Variants in NFATC2 observed in about 807,000 individuals in gnomAD.
NFATC2 encodes the protein nuclear factor of activated T-cells, cytoplasmic 2.
A neutral mutation model predicts 87.3 loss-of-function variants in NFATC2; 22 were observed. The ratio of observed to expected loss-of-function variants is 0.25; its 90% CI spans 0.18 to 0.36. The LOEUF is 0.36. Among genes scored for constraint, NFATC2 ranks in the 10% least tolerant of loss-of-function variants. The probability of loss-of-function intolerance (pLI) is 1.00; values close to 1 mark genes in which losing one functional copy is unlikely to be tolerated. For synonymous variants in NFATC2, 565 were observed against 542.2 expected (o/e 1.04, Z -0.58); for missense variants, 1,149 against 1,259.1 (o/e 0.91, Z 1.32).
In NFATC2 at chr20:51,391,471, G is replaced by A. The variant is rs199675591; in HGVS notation, c.*45-20C>T. On this transcript the variant is annotated intron_variant, in intron 10 of 10. Transcript: ENST00000371564. ...CATTAACTACAAAAGAAAAGAGGAG[G>A]GGGGGGGAGAGAGAATGGGGCAAGT... 48 of 1,579,116 alleles carry A rather than the reference G, an allele frequency of 3.0e-5. No homozygotes were observed. The highest frequency in any genetic ancestry group is 4.4e-5 in the South Asian group (4 of 90,308).
intron 6 of NFATC2, among the ~76,000 whole-genome samples, chr20:51,449,463 C>G (rs1029004221): frequency 5.9e-5 from 9 of 152,164 alleles, no homozygotes; most frequent in Non-Finnish European, 1.2e-4. Flanking sequence ...ACCTGGGATT[C>G]TTCAGTTAGG....
rs944856064 is a variant in NFATC2, at chr20:51,388,318, C to A, written c.*3178G>T. ...GATTCTCAGTGACCAGATCCAGGCT[C>A]AGGGCTGAAGTCAGCATAATTCTTG... On this transcript the variant is annotated 3_prime_UTR_variant, in exon 11 of 11. Transcript: ENST00000371564. 1.3e-5 allele frequency: 2 copies of A among 152,144 alleles called. No homozygotes were observed. The highest frequency in any genetic ancestry group is 2.9e-5 in the Non-Finnish European group (2 of 68,032). The allele number at this position is 152,144 out of a possible 1,614,324, so 9.4% of individuals were successfully genotyped here.
intron 9 of NFATC2, among the ~76,000 whole-genome samples, chr20:51,414,581 T>C (rs888408560): frequency 1.3e-5 from 2 of 151,604 alleles, no homozygotes; most frequent in East Asian, 1.9e-4. Flanking sequence ...CCCAGCTACT[T>C]GGGAGGCTGA....
At chr20:51,448,600 C>T (rs1478977496) in intron 6 of NFATC2, among the ~76,000 whole-genome samples, 1 of 152,106 alleles carries the variant, frequency 6.6e-6, no homozygotes, top group Admixed American at 6.5e-5. Context: ...GCCGAGATCG[C>T]GCACTCGCGC....
chr20:51,458,498 A>T (rs1986802673), intron 5 of NFATC2, among the ~76,000 whole-genome samples: 1 of 141,288 alleles, frequency 7.1e-6, no homozygotes, highest in African/African-American at 2.7e-5. Flanking sequence ...TTTTTATCTT[A>T]AAAAAAAAAA....
intron 9 of NFATC2, among the ~76,000 whole-genome samples, chr20:51,413,452 A>T (rs551111350): frequency 2.0e-4 from 31 of 152,300 alleles, no homozygotes; most frequent in African/African-American, 7.5e-4. Flanking sequence ...AACATATGGC[A>T]TCTTTTTTCA....
At position 51,495,197 on chromosome 20, in the gene NFATC2, C is replaced by A. The variant is rs528039595; in HGVS notation, c.1333-19537G>T. Among the ~76,000 whole-genome samples the A allele has an allele frequency of 4.6e-5, 7 of 152,288 alleles. No individual in the cohort carries two copies. The South Asian group carries it at 1.5e-3, about 32-fold the overall frequency. ...CCTCCTGTTCTCAAGCAATTCTCCC[C>A]CCTCAGCCTCTGGAGTAGCTGGGAC... On this transcript the variant is annotated intron_variant, in intron 3 of 10. Coordinates refer to ENST00000371564, the MANE Select transcript of NFATC2 (RefSeq NM_012340.5).
intron 2 of NFATC2, among the ~76,000 whole-genome samples, chr20:51,520,289 G>A (rs1023171009): frequency 3.3e-5 from 5 of 152,154 alleles, no homozygotes; most frequent in East Asian, 1.9e-4. Context: ...ACCTGTCTAC[G>A]TAGCACAAAG....
intron 6 of NFATC2, among the ~76,000 whole-genome samples, chr20:51,445,794 T>C (rs922645641): frequency 6.6e-6 from 1 of 152,152 alleles, no homozygotes; most frequent in African/African-American, 2.4e-5. Context: ...TAGTAGGTGC[T>C]CAATAAACAC....
At chr20:51,482,974 T>A (rs1225098098) in intron 3 of NFATC2, among the ~76,000 whole-genome samples, 1 of 152,166 alleles carries the variant, frequency 6.6e-6, no homozygotes, top group African/African-American at 2.4e-5. Context: ...GGACACGCGA[T>A]CTGAGGGGGC....
intron 3 of NFATC2, among the ~76,000 whole-genome samples, chr20:51,476,804 G>A (rs575825649): frequency 5.5e-4 from 84 of 152,318 alleles, no homozygotes; most frequent in African/African-American, 1.9e-3. Flanking sequence ...TGACCAGTTT[G>A]ACTTCTAAAC....
chr20:51,510,146 T>C (rs1223270717), intron 3 of NFATC2, among the ~76,000 whole-genome samples: 2 of 152,190 alleles, frequency 1.3e-5, no homozygotes, highest in Admixed American at 6.5e-5. Context: ...CCATTAAACA[T>C]GCATCCCAGA....
At position 51,454,205 on chromosome 20, in the gene NFATC2, G is replaced by GTT. The variant is rs565171617; in HGVS notation, c.1849+342_1849+343insAA. Among the ~76,000 whole-genome samples, 36 of 152,288 alleles carry GTT rather than the reference G, an allele frequency of 2.4e-4. No individual in the cohort carries two copies. In the South Asian group the frequency reaches 5.6e-3, roughly 24 times the overall value. Reference sequence around the variant, plus strand: ...AGATATCCAGGGCCAGAGTATGCATGCTTTATCACTGTGCTGTTTGGCCTC... The same window carrying GTT: ...AGATATCCAGGGCCAGAGTATGCATGTTCTTTATCACTGTGCTGTTTGGCCTC... On this transcript the variant is annotated intron_variant, in intron 6 of 10. Transcript: ENST00000371564.
intron 1 of NFATC2, among the ~76,000 whole-genome samples, chr20:51,561,359 AAAG>A (rs2077020959): frequency 6.6e-6 from 1 of 150,632 alleles, no homozygotes; most frequent in East Asian, 2.0e-4. Flanking sequence ...GAGAGAAAGA[AAAG>A]AAAGAAAGAG....
intron 1 of NFATC2, among the ~76,000 whole-genome samples, chr20:51,525,325 G>A (rs1246610141): frequency 3.3e-5 from 5 of 152,140 alleles, no homozygotes; most frequent in Non-Finnish European, 7.4e-5. Context: ...CTGCCACCTC[G>A]AAAGGCCCTA....
In NFATC2 at chr20:51,509,598, A is replaced by G. The variant is rs114217027; in HGVS notation, c.1332+7186T>C. Among the ~76,000 whole-genome samples the G allele has an allele frequency of 7.1e-3, 1,083 of 152,236 alleles. 9 individuals carry two copies. The highest frequency in any genetic ancestry group is 0.025 in the African/African-American group (1,029 of 41,534). ...AGACAAATTAGCATCAGCAAGAACT[A>G]CTTCCTGTCTCACGTCCCCAAACAC... On this transcript the variant is annotated intron_variant, in intron 3 of 10. Coordinates refer to ENST00000371564, the MANE Select transcript of NFATC2 (RefSeq NM_012340.5).
intron 1 of NFATC2, among the ~76,000 whole-genome samples, chr20:51,549,709 G>A (rs138357921): frequency 1.3e-5 from 2 of 152,292 alleles, no homozygotes; most frequent in African/African-American, 2.4e-5. Context: ...TAATACCTGA[G>A]TTACCATTTC....
At chr20:51,401,288 A>C in intron 9 of NFATC2, among the ~76,000 whole-genome samples, 1 of 152,062 alleles carries the variant, frequency 6.6e-6, no homozygotes, top group East Asian at 1.9e-4. Context: ...CAGTGAGCTG[A>C]GATGGTGCCA....
chr20:51,518,551 C>CT (rs112544544), intron 2 of NFATC2, among the ~76,000 whole-genome samples: 11,402 of 151,624 alleles, frequency 0.075, 643 homozygotes, highest in African/African-American at 0.16. Flanking sequence ...ACCCTGCAGT[C>CT]CTTTTTTTTG....
Sources: allele counts gnomAD v4.1 joint callset (sites outside exome capture counted in the v4.1 genomes callset), GRCh38; gene constraint gnomAD v4.1.1; transcripts MANE v1.5; gene names NCBI Gene and HGNC (gene_info 2026-07-23, HGNC 2026-07-21).